The following HRH1 variants were observed in gnomAD, a reference collection of about 807,000 sequenced individuals.
HRH1 encodes the protein histamine receptor H1.
HRH1 carries 6 observed loss-of-function variants against 10.3 expected under a neutral mutation model. The ratio of observed to expected loss-of-function variants is 0.58; its 90% confidence interval spans 0.32 to 1.15. The LOEUF is 1.15. Ranked by LOEUF, HRH1 falls within the 50% of genes most tolerant of loss-of-function variation. The pLI is 0.05. For missense variants in HRH1, 514 were observed against 615.3 expected (o/e 0.84, Z 1.74); for synonymous variants, 242 against 236.7 (o/e 1.02, Z -0.21).
chr3:11,188,024 G>A, intron 1 of HRH1, among the ~76,000 whole-genome samples: 1 of 152,162 alleles, frequency 6.6e-6, no homozygotes, highest in East Asian at 1.9e-4. Flanking sequence ...AGGGGATGTT[G>A]TTCAAGCCAA....
chr3:11,162,491 T>TGTCGGCCGGGC (rs1559256651), intron 1 of HRH1, among the ~76,000 whole-genome samples: 5 of 147,684 alleles, frequency 3.4e-5, no homozygotes, highest in African/African-American at 1.0e-4. Flanking sequence ...AAAGAAGTAC[T>TGTCGGCCGGGC]GTCTGTTGAG....
chr3:11,241,913 A>G (rs1484127777), intron 1 of HRH1, among the ~76,000 whole-genome samples: 1 of 152,078 alleles, frequency 6.6e-6, no homozygotes, highest in Non-Finnish European at 1.5e-5. Flanking sequence ...AAACGCACCA[A>G]TCAGCACTCT....
chr3:11,149,059 A>T (rs1365642680), intron 1 of HRH1, among the ~76,000 whole-genome samples: 2 of 152,186 alleles, frequency 1.3e-5, no homozygotes, highest in Non-Finnish European at 2.9e-5. Context: ...CTCTGTGGTC[A>T]ATAGCACGGT....
chr3:11,252,899 T>C (rs1403865467), intron 1 of HRH1: 10 of 152,018 alleles, frequency 6.6e-5, no homozygotes, highest in Non-Finnish European at 1.5e-4. Context: ...TGACCATACC[T>C]CGGGATAAAT....
intron 1 of HRH1, among the ~76,000 whole-genome samples, chr3:11,146,141 G>A (rs1441387206): frequency 6.6e-6 from 1 of 152,184 alleles, no homozygotes; most frequent in Non-Finnish European, 1.5e-5. Context: ...TTTTCCAAGG[G>A]ATCGGTATCA....
At chr3:11,174,620 T>A (rs1937215567) in intron 1 of HRH1, among the ~76,000 whole-genome samples, 2 of 152,224 alleles carry the variant, frequency 1.3e-5, no homozygotes, top group Non-Finnish European at 2.9e-5. Flanking sequence ...ATTCCCAATC[T>A]CCACTCCAAA....
At chr3:11,209,903 C>T (rs942535804) in intron 1 of HRH1, among the ~76,000 whole-genome samples, 18 of 152,142 alleles carry the variant, frequency 1.2e-4, no homozygotes, top group African/African-American at 4.3e-4. Flanking sequence ...CGAGATAGAC[C>T]CTGAACTTCT....
At chr3:11,242,272 G>A (rs1182440933) in intron 1 of HRH1, among the ~76,000 whole-genome samples, 1 of 151,976 alleles carries the variant, frequency 6.6e-6, no homozygotes, top group African/African-American at 2.4e-5. Context: ...AGGAGGTCAG[G>A]AGATCAAGAC....
At chr3:11,150,399 C>G (rs1305942031), upstream of HRH1, among the ~76,000 whole-genome samples, 1 of 152,230 alleles carries the variant, frequency 6.6e-6, no homozygotes, top group African/African-American at 2.4e-5. Context: ...TGAGAAAGAG[C>G]CATTTGGATT....
At chr3:11,210,026 G>T (rs938698786) in intron 1 of HRH1, among the ~76,000 whole-genome samples, 4 of 152,236 alleles carry the variant, frequency 2.6e-5, no homozygotes, top group Admixed American at 2.0e-4. Context: ...GGCATTAAAT[G>T]ACTTAAGTTT....
rs2125028859 is a variant in HRH1 at position 11,203,177 on chromosome 3, A to G, written c.-36+48623A>G. Among the ~76,000 whole-genome samples the G allele has an allele frequency of 3.3e-5, 5 of 152,324 alleles. No individual in the cohort carries two copies. The Middle Eastern group carries it at 0.017, about 518-fold the overall frequency. On this transcript the variant is annotated intron_variant, in intron 1 of 1. Transcript: ENST00000431010. The stretch of plus-strand genomic sequence containing the variant: ...CCAAAGGACATCTTACTTGCCTCCA[A>G]GCTTTGGCAATTATAAATAAAAATA...
intron 1 of HRH1, among the ~76,000 whole-genome samples, chr3:11,196,515 C>T (rs1294763412): frequency 1.3e-5 from 2 of 152,052 alleles, no homozygotes; most frequent in African/African-American, 2.4e-5. Context: ...AAGCAATTCT[C>T]CTTGATTTTT....
intron 1 of HRH1, among the ~76,000 whole-genome samples, chr3:11,202,367 T>C (rs1937954388): frequency 6.6e-6 from 1 of 151,100 alleles, no homozygotes; most frequent in South Asian, 2.1e-4. Context: ...ATCACACCAC[T>C]GCACTCCAGC....
rs771876256 is a variant in HRH1 at position 11,260,273 on chromosome 3, G to T, written c.1236G>T (p.Lys412Asn). 6.2e-7 allele frequency: 1 copy of T among 1,614,190 alleles called. No individual in the cohort carries two copies. Among genetic ancestry groups the T allele is most frequent in the Admixed American group, 1.7e-5 (1 of 60,022 alleles). Residue 412 changes from lysine (K) to asparagine (N), a missense_variant, in exon 2 of 2, where the codon AAG becomes AAT. Transcript: ENST00000431010. ...GGTTGCACATGAACCGCGAAAGGAAGGCCGCCAAACAGTTGGGTTTTATCA... is the reference window on the plus strand; with the variant it reads ...GGTTGCACATGAACCGCGAAAGGAATGCCGCCAAACAGTTGGGTTTTATCA... ...VSGLHMNRER[K>N]AAKQLGFIMA...
intron 1 of HRH1, among the ~76,000 whole-genome samples, chr3:11,147,548 A>G (rs1031273999): frequency 6.6e-6 from 1 of 152,154 alleles, no homozygotes; most frequent in Non-Finnish European, 1.5e-5. Flanking sequence ...TACCTCAGCT[A>G]TGATATGAGG....
intron 1 of HRH1, among the ~76,000 whole-genome samples, chr3:11,170,621 C>T (rs1937134048): frequency 6.6e-6 from 1 of 152,244 alleles, no homozygotes; most frequent in Non-Finnish European, 1.5e-5. Context: ...CGGAGTCACA[C>T]AGCCGGTCAG....
intron 1 of HRH1, among the ~76,000 whole-genome samples, chr3:11,199,197 A>T (rs1302336581): frequency 6.6e-6 from 1 of 152,122 alleles, no homozygotes; most frequent in Non-Finnish European, 1.5e-5. Context: ...TGCTGGGATT[A>T]CAAGCTTGTA....
chr3:11,226,743 C>T (rs1024549680), intron 1 of HRH1, among the ~76,000 whole-genome samples: 1 of 151,778 alleles, frequency 6.6e-6, no homozygotes, highest in African/African-American at 2.4e-5. Context: ...AAAAAATAGC[C>T]AGGTGTCATG....
intron 1 of HRH1, among the ~76,000 whole-genome samples, chr3:11,195,788 G>A (rs1160555346): frequency 1.3e-5 from 2 of 152,172 alleles, no homozygotes; most frequent in Non-Finnish European, 2.9e-5. Context: ...TGGAACCAGG[G>A]GCTGAAATGT....
Sources: allele counts gnomAD v4.1 joint callset (sites outside exome capture counted in the v4.1 genomes callset), GRCh38; gene constraint gnomAD v4.1.1; transcripts MANE v1.5; gene names NCBI Gene and HGNC (gene_info 2026-07-23, HGNC 2026-07-21).